The following ZNF610 variants were observed in gnomAD, a reference collection of about 807,000 sequenced individuals.
The protein encoded by ZNF610 is zinc finger protein 610.
A neutral mutation model predicts 14.1 loss-of-function variants in ZNF610; 14 were observed. That is an observed-to-expected ratio of 0.99 (90% CI 0.65 to 1.55). ZNF610 has a LOEUF of 1.55. Ranked by LOEUF, ZNF610 falls within the 40% of genes most tolerant of loss-of-function variation. The pLI is 0.00. For missense variants in ZNF610, 530 were observed against 558.0 expected (o/e 0.95, Z 0.51); for synonymous variants, 185 against 187.6 (o/e 0.99, Z 0.11).
chr19:52,336,874 C>T (rs1182810515), intron 1 of ZNF610, among the ~76,000 whole-genome samples: 2 of 152,330 alleles, frequency 1.3e-5, no homozygotes, highest in South Asian at 2.1e-4. Flanking sequence ...TCCCAAATTC[C>T]ATCCCACTAA....
intron 3 of ZNF610, among the ~76,000 whole-genome samples, chr19:52,351,767 TG>T (rs1568650004): frequency 6.6e-6 from 1 of 152,218 alleles, no homozygotes; most frequent in African/African-American, 2.4e-5. Flanking sequence ...TTGTTCTCAG[TG>T]GCTTCCTGAT....
chr19:52,355,993 G>T (rs2122247228), intron 5 of ZNF610, among the ~76,000 whole-genome samples: 1 of 152,246 alleles, frequency 6.6e-6, no homozygotes, highest in African/African-American at 2.4e-5. Context: ...TAGTGGGTGG[G>T]GCTGACAGTT....
At chr19:52,358,561 T>C (rs988555663) in intron 5 of ZNF610, among the ~76,000 whole-genome samples, 2 of 152,254 alleles carry the variant, frequency 1.3e-5, no homozygotes, top group African/African-American at 4.8e-5. Context: ...TAAAATCTTA[T>C]CAGAGGTATG....
intron 5 of ZNF610, 24 bp from the exon 6 acceptor site, chr19:52,365,674 G>GTTC: frequency 1.3e-6 from 2 of 1,573,116 alleles, no homozygotes; most frequent in Non-Finnish European, 1.7e-6. Context: ...ATGGGTTCAT[G>GTTC]TTCTACTCTT....
intron 5 of ZNF610, 105 bp downstream of exon 5, chr19:52,354,484 C>A: frequency 1.6e-6 from 2 of 1,283,808 alleles, no homozygotes; most frequent in Non-Finnish European, 2.1e-6. Flanking sequence ...GCAATCATAG[C>A]TCACTGCAGC....
upstream of ZNF610, chr19:52,336,215 T>G (rs1984366350): frequency 4.8e-6 from 1 of 208,084 alleles, no homozygotes; most frequent in Non-Finnish European, 9.5e-6. Flanking sequence ...CCCGGTCCGC[T>G]CTCTATGCTG....
intron 1 of ZNF610, among the ~76,000 whole-genome samples, chr19:52,341,101 C>T (rs1296086874): frequency 6.6e-6 from 1 of 152,122 alleles, no homozygotes. Context: ...ACAAAAAATA[C>T]TGTATTTACT....
intron 3 of ZNF610, among the ~76,000 whole-genome samples, chr19:52,350,181 C>A (rs1985182841): frequency 1.3e-5 from 2 of 152,104 alleles, no homozygotes; most frequent in African/African-American, 4.8e-5. Context: ...CTTGTTCCAG[C>A]AATTAGTTAT....
intron 1 of ZNF610, among the ~76,000 whole-genome samples, chr19:52,346,289 T>G (rs1984953532): frequency 1.3e-5 from 2 of 151,080 alleles, no homozygotes; most frequent in South Asian, 4.2e-4. Context: ...TTCAGCCTCC[T>G]GAGTAGCTGG....
At chr19:52,343,329 G>A (rs1490029583) in intron 1 of ZNF610, among the ~76,000 whole-genome samples, 1 of 151,878 alleles carries the variant, frequency 6.6e-6, no homozygotes, top group South Asian at 2.1e-4. Context: ...TGAACCCAGG[G>A]GGCAGAGGTT....
chr19:52,354,627 G>A (rs1324286841), intron 5 of ZNF610, among the ~76,000 whole-genome samples: 3 of 146,680 alleles, frequency 2.0e-5, no homozygotes, highest in African/African-American at 7.6e-5. Context: ...TGCCCAGGCT[G>A]GAGTGCAGTG....
At chr19:52,338,900 GGCGCTCAGCATACGGAGGACCC>G (rs1389232756) in intron 1 of ZNF610, among the ~76,000 whole-genome samples, 3 of 151,382 alleles carry the variant, frequency 2.0e-5, no homozygotes, top group African/African-American at 4.9e-5. Flanking sequence ...CCAGGGGACC[GGCGCTCAGCATACGGAGGACCC>G]GCGCCGGCCC....
upstream of ZNF610, among the ~76,000 whole-genome samples, chr19:52,333,027 C>T (rs1984244993): frequency 1.3e-5 from 2 of 152,154 alleles, no homozygotes; most frequent in South Asian, 2.1e-4. Flanking sequence ...ACCTCCTCTT[C>T]CCTCAGCCCC....
At chr19:52,342,630 C>T (rs1984740675) in intron 1 of ZNF610, among the ~76,000 whole-genome samples, 1 of 151,792 alleles carries the variant, frequency 6.6e-6, no homozygotes, top group Non-Finnish European at 1.5e-5. Flanking sequence ...AGTGATTCTC[C>T]CACCTCAGCC....
intron 5 of ZNF610, among the ~76,000 whole-genome samples, chr19:52,355,935 G>A (rs1186449186): frequency 2.0e-5 from 3 of 152,194 alleles, no homozygotes; most frequent in Admixed American, 6.5e-5. Context: ...GCTTCATCAC[G>A]TAGGCGTGAT....
At chr19:52,351,755 C>T (rs1479427646) in intron 3 of ZNF610, among the ~76,000 whole-genome samples, 1 of 152,198 alleles carries the variant, frequency 6.6e-6, no homozygotes, top group African/African-American at 2.4e-5. Flanking sequence ...ATGCTGATGC[C>T]TTTGTTCTCA....
In ZNF610 at chr19:52,354,247, A is replaced by C. The variant is rs375277715; in HGVS notation, c.191-4A>C. ...ACATCTTGTTTCTTTCTTTTTATTAACAGGAATCTGTCTTCCTGACCTAAG... is the reference window on the plus strand; with the variant it reads ...ACATCTTGTTTCTTTCTTTTTATTACCAGGAATCTGTCTTCCTGACCTAAG... On this transcript the variant is annotated splice_region_variant and splice_polypyrimidine_tract_variant and intron_variant, in intron 4 of 5. Coordinates refer to ENST00000403906, the MANE Select transcript of ZNF610 (RefSeq NM_001161425.2). The C allele has an allele frequency of 1.9e-6, 3 of 1,612,960 alleles. No homozygotes were observed. The highest frequency in any genetic ancestry group is 2.5e-6 in the Non-Finnish European group (3 of 1,179,726).
rs925157046 is a variant in ZNF610, at chr19:52,347,693, A to AT, written c.-257-5dup. On this transcript the variant is annotated splice_polypyrimidine_tract_variant and intron_variant, in intron 1 of 5. Transcript: ENST00000403906. ...CACCATGCCTTGACTTATTTCTTGT[A>AT]TTTTTTTTTGTAGACACAGGAGTGT... 4.6e-5 allele frequency: 7 copies of AT among 151,002 alleles called. No homozygotes were observed. Among genetic ancestry groups the AT allele is most frequent in the East Asian group, 1.9e-4 (1 of 5,140 alleles). The allele number at this position is 151,002 out of a possible 1,614,324, so 9.4% of individuals were successfully genotyped here.
chr19:52,349,056 C>G (rs945157705), intron 2 of ZNF610, 98 bp from the exon 3 acceptor site: 1 of 808,076 alleles, frequency 1.2e-6, no homozygotes, highest in African/African-American at 1.7e-5. Context: ...CAGAGGACAT[C>G]TTTCCGCAGG....
Sources: gnomAD v4.1 joint callset for allele counts (sites outside exome capture counted in the v4.1 genomes callset) on GRCh38, gnomAD v4.1.1 for gene constraint, MANE v1.5 for transcripts, NCBI Gene and HGNC (gene_info 2026-07-23, HGNC 2026-07-21) for gene names.